The following USP25 variants were observed in gnomAD, a reference collection of about 807,000 sequenced individuals.
USP25 encodes the protein ubiquitin specific peptidase 25, also known as ubiquitin carboxyl-terminal hydrolase 25.
USP25 carries 85 observed loss-of-function variants against 158.5 expected under a neutral mutation model. The observed-to-expected ratio is 0.54, with a 90% CI of 0.45 to 0.64. The LOEUF is 0.64. Ranked by LOEUF, USP25 falls within the 30% of genes least tolerant of loss-of-function variation. The probability of loss-of-function intolerance (pLI) is 0.00; values close to 1 mark genes in which losing one functional copy is unlikely to be tolerated. For missense variants in USP25, 1,242 were observed against 1,327.3 expected (o/e 0.94, Z 1.00); for synonymous variants, 464 against 460.4 (o/e 1.01, Z -0.10).
chr21:15,846,977 G>A (rs1277281158), intron 18 of USP25, among the ~76,000 whole-genome samples: 1 of 152,068 alleles, frequency 6.6e-6, no homozygotes, highest in African/African-American at 2.4e-5. Context: ...TTAAAAATGG[G>A]TATCAGCTTC....
At chr21:15,866,429 T>C (rs1381355470) in intron 22 of USP25, 85 bp downstream of exon 22, 1 of 1,001,682 alleles carries the variant, frequency 1.0e-6, no homozygotes, top group East Asian at 2.9e-5. Flanking sequence ...CCAACTGAAG[T>C]TGAATTTGTT....
chr21:15,864,825 G>A lies in USP25; in HGVS notation c.2726+379G>A, dbSNP rs180764173. 2.8e-3 allele frequency among the ~76,000 whole-genome samples: 422 copies of A among 152,040 alleles called. 4 individuals are homozygous for A. Among genetic ancestry groups the A allele is most frequent in the African/African-American group, 9.5e-3 (395 of 41,502 alleles). ...ATTTAATAATATCCCTCATCTCTTC[G>A]TTAGATGACAGTAGCAGCTCCCAAG... is the stretch of plus-strand genomic sequence containing the variant. On this transcript the variant is annotated intron_variant, in intron 21 of 25. Coordinates refer to ENST00000400183, the MANE Select transcript of USP25 (RefSeq NM_001283041.3).
chr21:15,831,693 T>C, intron 16 of USP25, 64 bp downstream of exon 16: 3 of 1,337,172 alleles, frequency 2.2e-6, no homozygotes, highest in South Asian at 2.4e-5. Context: ...GTATGTGGTG[T>C]GATTAGTTAA....
intron 17 of USP25, among the ~76,000 whole-genome samples, chr21:15,835,704 C>A (rs947867794): frequency 2.2e-4 from 34 of 152,074 alleles, no homozygotes; most frequent in East Asian, 1.9e-4. Flanking sequence ...TACCTTTCAG[C>A]GTGGGTTATT....
intron 20 of USP25, among the ~76,000 whole-genome samples, chr21:15,863,143 A>T (rs903474379): frequency 2.6e-5 from 4 of 152,104 alleles, no homozygotes; most frequent in Non-Finnish European, 5.9e-5. Flanking sequence ...GTCCTCTTGT[A>T]CATAGCAATA....
chr21:15,820,827 G>A (rs2037194061), intron 10 of USP25, among the ~76,000 whole-genome samples: 1 of 151,808 alleles, frequency 6.6e-6, no homozygotes, highest in Non-Finnish European at 1.5e-5. Flanking sequence ...CATCTTATTT[G>A]CTGAAATAGC....
intron 3 of USP25, among the ~76,000 whole-genome samples, chr21:15,775,973 T>G (rs749063677): frequency 1.9e-4 from 29 of 152,102 alleles, no homozygotes; most frequent in Admixed American, 3.3e-4. Context: ...TTTTTCTGCT[T>G]CTCTGTGATT....
At chr21:15,794,812 A>T (rs985226383) in intron 5 of USP25, among the ~76,000 whole-genome samples, 6 of 151,460 alleles carry the variant, frequency 4.0e-5, no homozygotes, top group Admixed American at 1.3e-4. Context: ...ACTCTATATT[A>T]TATATATAAT....
At chr21:15,781,532 C>A (rs934324381) in intron 4 of USP25, among the ~76,000 whole-genome samples, 3 of 152,070 alleles carry the variant, frequency 2.0e-5, no homozygotes, top group Admixed American at 1.3e-4. Flanking sequence ...AAAAAAGGAA[C>A]CAAAACAACG....
At chr21:15,765,959 T>C in intron 2 of USP25, 38 bp from the exon 3 acceptor site, 1 of 1,568,054 alleles carries the variant, frequency 6.4e-7, no homozygotes, top group Non-Finnish European at 8.6e-7. Context: ...GATAAAATTA[T>C]TTCAAAACAC....
chr21:15,767,397 A>G (rs1193960503), intron 3 of USP25, among the ~76,000 whole-genome samples: 1 of 152,092 alleles, frequency 6.6e-6, no homozygotes, highest in Non-Finnish European at 1.5e-5. Flanking sequence ...GCTAGGACCA[A>G]GTGTTTCTCC....
intron 4 of USP25, among the ~76,000 whole-genome samples, chr21:15,779,863 A>C (rs532295623): frequency 1.3e-5 from 2 of 152,104 alleles, no homozygotes; most frequent in Non-Finnish European, 2.9e-5. Flanking sequence ...TAAAAGAGTC[A>C]TATTAATTAT....
At chr21:15,844,968 C>A (rs1241855097) in intron 18 of USP25, among the ~76,000 whole-genome samples, 1 of 152,064 alleles carries the variant, frequency 6.6e-6, no homozygotes, top group African/African-American at 2.4e-5. Flanking sequence ...GCTACTCAAT[C>A]GTATATTTGT....
intron 2 of USP25, among the ~76,000 whole-genome samples, chr21:15,763,522 A>G (rs1239000202): frequency 6.6e-6 from 1 of 152,192 alleles, no homozygotes; most frequent in African/African-American, 2.4e-5. Context: ...TCAGTTTCAC[A>G]TCGACATCCA....
At chr21:15,834,735 AT>A (rs1003690967) in intron 17 of USP25, among the ~76,000 whole-genome samples, 6 of 152,206 alleles carry the variant, frequency 3.9e-5, no homozygotes, top group African/African-American at 7.2e-5. Context: ...ATAATTCAGC[AT>A]TTTTTAAAAA....
At chr21:15,833,113 A>G (rs1046817201) in intron 16 of USP25, among the ~76,000 whole-genome samples, 7 of 152,140 alleles carry the variant, frequency 4.6e-5, no homozygotes, top group Non-Finnish European at 1.0e-4. Context: ...TGAGACCATT[A>G]CCTATGATGG....
At position 15,765,924 on chromosome 21, in the gene USP25, G is replaced by T. The variant is rs2034014220; in HGVS notation, c.124-73G>T. Reference sequence around the variant, plus strand: ...CAATTTTGTTCTAGAGAGTTATGGAGAATATTGTATAACTTTTTTTGATGG... The same window carrying T: ...CAATTTTGTTCTAGAGAGTTATGGATAATATTGTATAACTTTTTTTGATGG... On this transcript the variant is annotated intron_variant, in intron 2 of 25. Coordinates refer to ENST00000400183, the MANE Select transcript of USP25 (RefSeq NM_001283041.3). 3 of 1,479,382 alleles carry T rather than the reference G, an allele frequency of 2.0e-6. 1 individual carries two copies. The highest frequency in any genetic ancestry group is 3.7e-4 in the Middle Eastern group (2 of 5,404). The allele number at this position is 1,479,382 out of a possible 1,614,324, so 91.6% of individuals were successfully genotyped here. A position where few individuals can be genotyped will look rare whatever the true frequency, so the allele number is the denominator to read the frequency against.
chr21:15,826,256 C>G lies in USP25; in HGVS notation c.1357C>G (p.Gln453Glu), dbSNP rs770965756. 3 of 1,614,056 alleles carry G rather than the reference C, an allele frequency of 1.9e-6. No individual in the cohort carries two copies. In the Admixed American group the frequency reaches 5.0e-5, roughly 27 times the overall value. Residue 453 changes from glutamine (Q) to glutamate (E), a missense_variant, in exon 13 of 26, where the codon CAG becomes GAG. By Grantham distance (29) the Gln-to-Glu change is conservative (BLOSUM62 2). This residue lies in a region of USP25 where 627 missense variants were observed against 701.4 expected (regional missense o/e 0.89). Coordinates refer to ENST00000400183, the MANE Select transcript of USP25 (RefSeq NM_001283041.3). The surrounding 1 kb of genome is among the most constrained non-coding windows in gnomAD (Gnocchi z 4.8). Reference sequence around the variant, plus strand: ...ACGATTCCCCTTGGTAGATGTTCTTCAGTATGCATTGGAATTTGCCTCAAG... The same window carrying G: ...ACGATTCCCCTTGGTAGATGTTCTTGAGTATGCATTGGAATTTGCCTCAAG... ...PKRFPLVDVL[Q>E]YALEFASSKP...
chr21:15,853,219 A>G (rs550231603), intron 20 of USP25, among the ~76,000 whole-genome samples: 5 of 152,270 alleles, frequency 3.3e-5, no homozygotes, highest in African/African-American at 4.8e-5. Context: ...TCAGAAATCT[A>G]TTGTGGGCTT....
Sources: allele counts gnomAD v4.1 joint callset (sites outside exome capture counted in the v4.1 genomes callset), GRCh38; gene constraint gnomAD v4.1.1; regional missense constraint gnomAD v4.1.1; non-coding constraint Gnocchi (gnomAD v3.1); transcripts MANE v1.5; gene names NCBI Gene and HGNC (gene_info 2026-07-23, HGNC 2026-07-21).